The following INTS8 variants were observed in gnomAD, a reference collection of about 807,000 sequenced individuals.
INTS8 encodes integrator complex subunit 8.
INTS8 carries 47 observed loss-of-function variants against 138.9 expected under a neutral mutation model. The ratio of observed to expected loss-of-function variants is 0.34; its 90% CI spans 0.27 to 0.43. The LOEUF is 0.43. Among genes scored for constraint, INTS8 ranks in the 20% least tolerant of loss-of-function variants. INTS8 has a pLI of 1.00. For missense variants in INTS8, 996 were observed against 1,173.0 expected (o/e 0.85, Z 2.20); for synonymous variants, 392 against 400.9 (o/e 0.98, Z 0.27).
chr8:94,855,193 A>G (rs535037869), intron 14 of INTS8, among the ~76,000 whole-genome samples: 16 of 152,298 alleles, frequency 1.1e-4, no homozygotes, highest in African/African-American at 3.8e-4. Flanking sequence ...CTAGACCATC[A>G]TTGTCCAGTG....
intron 15 of INTS8, among the ~76,000 whole-genome samples, chr8:94,858,565 A>G (rs1815837477): frequency 6.6e-6 from 1 of 152,214 alleles, no homozygotes; most frequent in South Asian, 2.1e-4. Context: ...GTTGAGTGCT[A>G]ACTACGTGTC....
At chr8:94,843,957 A>G (rs777443591) in intron 10 of INTS8, among the ~76,000 whole-genome samples, 1 of 143,556 alleles carries the variant, frequency 7.0e-6, no homozygotes, top group Non-Finnish European at 1.5e-5. Context: ...ATTTTTACTC[A>G]TGGATTTTGT....
chr8:94,877,946 C>T (rs1009225923), intron 26 of INTS8, among the ~76,000 whole-genome samples: 93 of 152,252 alleles, frequency 6.1e-4, no homozygotes, highest in African/African-American at 2.1e-3. Flanking sequence ...TGAGAGGTAC[C>T]GATTCAGTTG....
chr8:94,880,834 G>T lies in INTS8; in HGVS notation c.*600G>T, dbSNP rs1322197594. Reference sequence around the variant, plus strand: ...TTCCTCATATAAATAGTTTGAAAGGGTACTTAAGTTTTTCACCCAAATTGT... The same window carrying T: ...TTCCTCATATAAATAGTTTGAAAGGTTACTTAAGTTTTTCACCCAAATTGT... On this transcript the variant is annotated 3_prime_UTR_variant, in exon 27 of 27. Coordinates refer to ENST00000523731, the MANE Select transcript of INTS8 (RefSeq NM_017864.4). The T allele has an allele frequency of 2.5e-6, 1 of 398,340 alleles. No homozygotes were observed. The highest frequency in any genetic ancestry group is 2.1e-5 in the African/African-American group (1 of 48,520). The allele number at this position is 398,340 out of a possible 1,614,324, so 24.7% of individuals were successfully genotyped here. A position where few individuals can be genotyped will look rare whatever the true frequency, so the allele number is the denominator to read the frequency against.
At chr8:94,825,427 GA>G (rs59690454) in intron 2 of INTS8, among the ~76,000 whole-genome samples, 26,316 of 143,316 alleles carry the variant, frequency 0.18, 2,435 homozygotes, top group Middle Eastern at 0.28. Flanking sequence ...GTAAGACTCG[GA>G]AAAAAAAAAA....
chr8:94,853,333 A>C (rs1815621348), intron 13 of INTS8, among the ~76,000 whole-genome samples: 2 of 151,954 alleles, frequency 1.3e-5, no homozygotes, highest in Admixed American at 1.3e-4. Context: ...ACAAACCAAA[A>C]ATTTTTAAGA....
chr8:94,828,905 C>CT lies in INTS8; in HGVS notation c.519-68dup. The CT allele has an allele frequency of 6.3e-6, 6 of 957,402 alleles. No individual in the cohort carries two copies. The South Asian group carries it at 6.9e-5, about 11-fold the overall frequency. The allele number at this position is 957,402 out of a possible 1,614,324, so 59.3% of individuals were successfully genotyped here. A position where few individuals can be genotyped will look rare whatever the true frequency, so the allele number is the denominator to read the frequency against. On this transcript the variant is annotated intron_variant, in intron 4 of 26. Coordinates refer to ENST00000523731, the MANE Select transcript of INTS8 (RefSeq NM_017864.4). The stretch of plus-strand genomic sequence containing the variant: ...GAACCTGACTTTCAAGAATGATGCT[C>CT]TTAAGTTTTGAATTTTTTAGTCTTG...
intron 2 of INTS8, among the ~76,000 whole-genome samples, chr8:94,825,500 TGTG>T (rs1264827217): frequency 6.6e-6 from 1 of 151,996 alleles, no homozygotes; most frequent in Non-Finnish European, 1.5e-5. Flanking sequence ...TTACTTTTGA[TGTG>T]GTAACTAGAG....
At position 94,841,651 on chromosome 8, in the gene INTS8, T is replaced by C; in HGVS notation, c.1118+60T>C. On this transcript the variant is annotated intron_variant, in intron 9 of 26. Transcript: ENST00000523731. Reference sequence around the variant, plus strand: ...AATAAAACAGCAAGTGCATTCTGGTTTATCAAAACCACATTTTCAAATTTC... The same window carrying C: ...AATAAAACAGCAAGTGCATTCTGGTCTATCAAAACCACATTTTCAAATTTC... The C allele has an allele frequency of 3.5e-6, 3 of 845,176 alleles. No homozygotes were observed. In the Admixed American group the frequency reaches 6.9e-5, roughly 19 times the overall value. 52.4% of individuals were successfully genotyped at this position (845,176 alleles called of 1,614,324 possible). A position where few individuals can be genotyped will look rare whatever the true frequency, so the allele number is the denominator to read the frequency against.
chr8:94,848,176 A>AT (rs1463957154), intron 10 of INTS8, among the ~76,000 whole-genome samples: 8 of 151,064 alleles, frequency 5.3e-5, no homozygotes, highest in South Asian at 2.1e-4. Context: ...TGCCCACGTA[A>AT]TTTTTTTTGT....
chr8:94,866,459 A>G (rs1816180527), intron 18 of INTS8: 3 of 383,900 alleles, frequency 7.8e-6, no homozygotes, highest in Admixed American at 8.7e-5. Context: ...TGCCCAGCTA[A>G]TTTTTTGTAG....
chr8:94,868,980 A>AT (rs765235187), intron 20 of INTS8, among the ~76,000 whole-genome samples: 14,700 of 106,798 alleles, frequency 0.14, 1,019 homozygotes, highest in African/African-American at 0.17. Flanking sequence ...CCAGTTTTGG[A>AT]TTTTTTTTTT....
chr8:94,831,741 A>G (rs1427009653), intron 5 of INTS8, among the ~76,000 whole-genome samples: 2 of 151,898 alleles, frequency 1.3e-5, no homozygotes, highest in Non-Finnish European at 2.9e-5. Context: ...CGGCCTCCCA[A>G]AGTGCTGGGA....
chr8:94,840,583 A>T (rs1815098065), intron 8 of INTS8, among the ~76,000 whole-genome samples: 1 of 136,856 alleles, frequency 7.3e-6, no homozygotes, highest in African/African-American at 2.8e-5. Flanking sequence ...TTTGAGACAG[A>T]GTCTCACTCT....
chr8:94,873,345 A>C (rs762565707), intron 21 of INTS8, 29 bp from the exon 22 acceptor site: 1 of 1,476,986 alleles, frequency 6.8e-7, no homozygotes, highest in Non-Finnish European at 9.5e-7. Flanking sequence ...TGTTACCTCT[A>C]ATGCTTTATG....
Position 94,856,826 on chromosome 8 carries a change from C to T in INTS8, c.1802C>T (p.Thr601Ile). 6.2e-7 allele frequency: 1 copy of T among 1,614,114 alleles called. No homozygotes were observed. The highest frequency in any genetic ancestry group is 8.5e-7 in the Non-Finnish European group (1 of 1,180,026). The change falls in exon 15 of 27, where the codon ACA becomes ATA. Residue 601 changes from threonine to isoleucine, a missense_variant. Coordinates refer to ENST00000523731, the MANE Select transcript of INTS8 (RefSeq NM_017864.4). ...TTTGCTGCTTGTTTGGAGTTGGTAA[C>T]AGAGTTCTCACCGAAGCTTCGTCAG... ...QLFAACLELV[T>I]EFSPKLRQVM...
intron 18 of INTS8, chr8:94,866,915 AC>A (rs1282147274): frequency 2.2e-6 from 1 of 462,924 alleles, no homozygotes; most frequent in East Asian, 3.4e-5. Flanking sequence ...CATAAGCCAA[AC>A]ATTTATGCTA....
intron 14 of INTS8, 76 bp downstream of exon 14, chr8:94,853,991 C>A: frequency 2.4e-6 from 2 of 844,966 alleles, no homozygotes; most frequent in South Asian, 1.4e-5. Flanking sequence ...ACCTGTAATA[C>A]CAGCACTTTG....
chr8:94,861,792 C>T (rs1815995725), intron 16 of INTS8, among the ~76,000 whole-genome samples: 1 of 151,964 alleles, frequency 6.6e-6, no homozygotes, highest in Non-Finnish European at 1.5e-5. Context: ...CTCAGGTGAT[C>T]CGCCCACCTC....
Sources: allele counts gnomAD v4.1 joint callset (sites outside exome capture counted in the v4.1 genomes callset), GRCh38; gene constraint gnomAD v4.1.1; transcripts MANE v1.5; gene names NCBI Gene and HGNC (gene_info 2026-07-23, HGNC 2026-07-21).